ANKFN1: variants seen among roughly 807,000 people sequenced by gnomAD.
The protein encoded by ANKFN1 is ankyrin repeat and fibronectin type-III domain-containing protein 1.
A neutral mutation model predicts 108.7 loss-of-function variants in ANKFN1; 74 were observed. The ratio of observed to expected loss-of-function variants is 0.68; its 90% CI spans 0.56 to 0.83. ANKFN1 has a LOEUF of 0.83. ANKFN1 is among the 40% of genes least tolerant of loss of function. The pLI is 0.00. For synonymous variants in ANKFN1, 547 were observed against 516.2 expected (o/e 1.06, Z -0.81); for missense variants, 1,505 against 1,382.3 (o/e 1.09, Z -1.41).
intron 4 of ANKFN1, among the ~76,000 whole-genome samples, chr17:56,101,212 G>A (rs1256629720): frequency 6.6e-6 from 1 of 152,130 alleles, no homozygotes; most frequent in Non-Finnish European, 1.5e-5. Context: ...ATTAACACTG[G>A]TTAATCCACC....
chr17:56,072,955 C>T (rs1286290452), intron 4 of ANKFN1, among the ~76,000 whole-genome samples: 2 of 152,172 alleles, frequency 1.3e-5, no homozygotes, highest in Non-Finnish European at 2.9e-5. Flanking sequence ...TTTGGTACCT[C>T]CTTTCTAACT....
intron 20 of ANKFN1, among the ~76,000 whole-genome samples, chr17:56,503,619 T>C (rs1244643791): frequency 6.7e-6 from 1 of 150,180 alleles, no homozygotes; most frequent in East Asian, 2.0e-4. Context: ...CCCCCTGCCT[T>C]TAAGAAAAAA....
rs751203088 is a variant in ANKFN1, at chr17:56,442,853, AT to A, written c.1023del (p.Phe341LeufsTer9). 1 of 1,613,734 alleles carries A rather than the reference AT, an allele frequency of 6.2e-7. No individual in the cohort carries two copies. The highest frequency in any genetic ancestry group is 8.5e-7 in the Non-Finnish European group (1 of 1,179,716). ...TTCAATACTTTGCAGGGCCAACAGTATTTTGTTCAAGTCTCGGCTTACAATA... is the reference window on the plus strand; with the variant it reads ...TTCAATACTTTGCAGGGCCAACAGTATTTGTTCAAGTCTCGGCTTACAATA... ...TITGLTMGQQ[Y>X]FVQVSAYNMK... is the part of the protein sequence containing the mutation. On this transcript the variant is annotated frameshift_variant, in exon 10 of 21. Transcript: ENST00000682825. LOFTEE classifies it high-confidence loss of function.
intron 3 of ANKFN1, among the ~76,000 whole-genome samples, chr17:56,306,842 A>G (rs1459458444): frequency 2.6e-5 from 4 of 152,234 alleles, no homozygotes; most frequent in Admixed American, 6.5e-5. Flanking sequence ...ACAAGGCTAC[A>G]GTAACCAAAA....
chr17:56,389,786 T>A lies in ANKFN1; in HGVS notation c.910+15072T>A, dbSNP rs1329806275. ...TAAGAAGTTTTTGGAATATGTGAGT[T>A]TTTTCCTGAGATATGAGTTCCTTGA... On this transcript the variant is annotated intron_variant, in intron 8 of 20. Coordinates refer to ENST00000682825, the MANE Select transcript of ANKFN1 (RefSeq NM_001370326.1). 3.3e-5 allele frequency among the ~76,000 whole-genome samples: 5 copies of A among 152,172 alleles called. No individual in the cohort carries two copies. In the South Asian group the frequency reaches 6.2e-4, roughly 19 times the overall value.
chr17:56,092,266 A>ATTTTTTTTTTT (rs748898792), intron 4 of ANKFN1, among the ~76,000 whole-genome samples: 1 of 111,380 alleles, frequency 9.0e-6, no homozygotes, highest in African/African-American at 4.0e-5. Context: ...GTGAGGTAGT[A>ATTTTTTTTTTT]TTTTTTTTTT....
intron 3 of ANKFN1, among the ~76,000 whole-genome samples, chr17:56,310,113 G>C (rs1166221915): frequency 6.8e-6 from 1 of 147,278 alleles, no homozygotes; most frequent in African/African-American, 2.6e-5. Flanking sequence ...ACATGGATAC[G>C]CTGGACAAAG....
intron 6 of ANKFN1, among the ~76,000 whole-genome samples, chr17:56,355,162 A>G (rs901294515): frequency 2.6e-5 from 4 of 152,196 alleles, no homozygotes; most frequent in Non-Finnish European, 5.9e-5. Context: ...TAAATACCCT[A>G]ATTTAATGAT....
intron 2 of ANKFN1, among the ~76,000 whole-genome samples, chr17:56,212,945 C>G (rs1462428813): frequency 6.6e-6 from 1 of 152,134 alleles, no homozygotes; most frequent in East Asian, 1.9e-4. Flanking sequence ...CTGGCATTGC[C>G]CATTCATGCT....
At chr17:56,063,334 T>G (rs929359693) in intron 4 of ANKFN1, among the ~76,000 whole-genome samples, 1 of 152,186 alleles carries the variant, frequency 6.6e-6, no homozygotes, top group East Asian at 1.9e-4. Context: ...GATAATATCC[T>G]GAAATGTGTT....
chr17:56,514,547 G>A lies in ANKFN1; in HGVS notation c.*3278G>A, dbSNP rs181534474. 1.6e-4 allele frequency among the ~76,000 whole-genome samples: 24 copies of A among 152,246 alleles called. No individual in the cohort carries two copies. The East Asian group carries it at 4.6e-3, about 29-fold the overall frequency. On this transcript the variant is annotated 3_prime_UTR_variant, in exon 21 of 21. Coordinates refer to ENST00000682825, the MANE Select transcript of ANKFN1 (RefSeq NM_001370326.1). Reference sequence around the variant, plus strand: ...CAAAGCTAAAACATCCTCTTAATTGGCGAGGGTGCCTGGGAGACAGTAATT... The same window carrying A: ...CAAAGCTAAAACATCCTCTTAATTGACGAGGGTGCCTGGGAGACAGTAATT...
chr17:56,357,987 G>A (rs557333866), intron 6 of ANKFN1, among the ~76,000 whole-genome samples: 3 of 152,284 alleles, frequency 2.0e-5, no homozygotes, highest in Non-Finnish European at 2.9e-5. Context: ...AATAGGTGGT[G>A]CAGTCAGGAT....
At chr17:56,244,794 C>T (rs1326463218) in intron 3 of ANKFN1, among the ~76,000 whole-genome samples, 1 of 152,046 alleles carries the variant, frequency 6.6e-6, no homozygotes, top group Admixed American at 6.6e-5. Flanking sequence ...GAAGCTTGTC[C>T]CAATTTGCTC....
chr17:56,175,359 C>G (rs767377354), intron 1 of ANKFN1, among the ~76,000 whole-genome samples: 4 of 152,132 alleles, frequency 2.6e-5, no homozygotes, highest in Non-Finnish European at 4.4e-5. Flanking sequence ...TAACAACTAA[C>G]AAAACACCTA....
Position 56,511,105 on chromosome 17 carries a change from G to T in ANKFN1, c.3277G>T (p.Glu1093Ter). The change falls in exon 21 of 21, where the codon GAG (glutamate) becomes TAG (stop). Residue 1093 changes from glutamate to a stop codon, truncating the protein, a stop_gained. Transcript: ENST00000682825. LOFTEE classifies it low-confidence loss of function (END_TRUNC). The stretch of plus-strand genomic sequence containing the variant: ...GCCTTCCGTCCGCCGCCTCTACGTG[G>T]AGCCCTACGCAGCGGCCGTGGTGGC... ...ARPSVRRLYV[E>*]PYAAAVVAQD... The T allele has an allele frequency of 6.5e-7, 1 of 1,536,004 alleles. No individual in the cohort carries two copies. Among genetic ancestry groups the T allele is most frequent in the Non-Finnish European group, 8.7e-7 (1 of 1,146,850 alleles).
At chr17:56,157,840 C>T (rs962442547) in intron 1 of ANKFN1, among the ~76,000 whole-genome samples, 2 of 152,154 alleles carry the variant, frequency 1.3e-5, no homozygotes, top group East Asian at 1.9e-4. Flanking sequence ...ACGTGGAATC[C>T]GAATTTTAGC....
At chr17:56,420,683 C>CTTTTTTTTTTTTTTTTTT (rs755355387) in intron 8 of ANKFN1, among the ~76,000 whole-genome samples, 2 of 119,594 alleles carry the variant, frequency 1.7e-5, no homozygotes, top group Non-Finnish European at 3.5e-5. Flanking sequence ...CTGACTCCTT[C>CTTTTTTTTTTTTTTTTTT]TTTTTTTTTT....
intron 6 of ANKFN1, among the ~76,000 whole-genome samples, chr17:56,365,342 AGTATT>A (rs1380269448): frequency 2.0e-5 from 3 of 152,228 alleles, no homozygotes; most frequent in Admixed American, 6.5e-5. Flanking sequence ...TTATAAAACA[AGTATT>A]TTGATTTATT....
intron 2 of ANKFN1, among the ~76,000 whole-genome samples, chr17:56,222,422 G>A (rs764199456): frequency 2.6e-5 from 4 of 152,132 alleles, no homozygotes; most frequent in Non-Finnish European, 4.4e-5. Flanking sequence ...GTAACAGTGA[G>A]GAGAAAAAAT....
Sources: gnomAD v4.1 joint callset for allele counts (sites outside exome capture counted in the v4.1 genomes callset) on GRCh38, gnomAD v4.1.1 for gene constraint, MANE v1.5 for transcripts, NCBI Gene and HGNC (gene_info 2026-07-23, HGNC 2026-07-21) for gene names.